NDRG3: variants seen among roughly 807,000 people sequenced by gnomAD.
The protein encoded by NDRG3 is NDRG family member 3.
A neutral mutation model predicts 57.2 loss-of-function variants in NDRG3; 23 were observed. The observed-to-expected ratio is 0.40, with a 90% CI of 0.29 to 0.57. NDRG3 has a LOEUF of 0.57. Ranked by LOEUF, NDRG3 falls within the 20% of genes least tolerant of loss-of-function variation. The pLI, the probability that NDRG3 is intolerant of heterozygous loss-of-function variation, is 0.42. For synonymous variants in NDRG3, 132 were observed against 162.6 expected, an observed-to-expected ratio of 0.81 and a Z score of 1.43; for missense variants, 384 against 457.3, an observed-to-expected ratio of 0.84 and a Z score of 1.46.
chr20:36,672,547 G>C (rs927940955), intron 8 of NDRG3, among the ~76,000 whole-genome samples: 1 of 152,196 alleles, frequency 6.6e-6, no homozygotes, highest in Non-Finnish European at 1.5e-5. Flanking sequence ...TAGAAAAGTA[G>C]GCTGGGCGTG....
intron 3 of NDRG3, among the ~76,000 whole-genome samples, chr20:36,701,938 C>CT (rs761073688): frequency 2.1e-4 from 31 of 150,778 alleles, no homozygotes; most frequent in Non-Finnish European, 3.7e-4. Flanking sequence ...CCAACTTTCA[C>CT]TTTTTTCTTG....
At chr20:36,690,002 G>A (rs1173642832) in intron 3 of NDRG3, among the ~76,000 whole-genome samples, 1 of 152,008 alleles carries the variant, frequency 6.6e-6, no homozygotes, top group Non-Finnish European at 1.5e-5. Flanking sequence ...TTACAGACGT[G>A]AGCCACCGCG....
At chr20:36,724,498 TCA>T (rs1984799914) in intron 1 of NDRG3, among the ~76,000 whole-genome samples, 1 of 152,216 alleles carries the variant, frequency 6.6e-6, no homozygotes, top group African/African-American at 2.4e-5. Flanking sequence ...ATTCTCTTTT[TCA>T]CAGTCCCCAC....
At chr20:36,671,524 C>T (rs1980160511) in intron 8 of NDRG3, 127 bp from the exon 9 acceptor site, 2 of 692,078 alleles carry the variant, frequency 2.9e-6, no homozygotes, top group Non-Finnish European at 4.9e-6. Flanking sequence ...AACCCTTGGC[C>T]AGGTGCGATG....
chr20:36,684,541 G>A, intron 5 of NDRG3, 66 bp from the exon 6 acceptor site: 4 of 1,407,854 alleles, frequency 2.8e-6, no homozygotes, highest in Middle Eastern at 1.8e-4. Context: ...TAGAACAGCT[G>A]GAAAGGTCCA....
At chr20:36,737,320 C>G (rs1379276040) in intron 1 of NDRG3, among the ~76,000 whole-genome samples, 1 of 152,116 alleles carries the variant, frequency 6.6e-6, no homozygotes, top group Non-Finnish European at 1.5e-5. Context: ...AAGCTACCAC[C>G]AGCAAAGCCC....
chr20:36,727,830 C>G (rs1278822946), intron 1 of NDRG3, among the ~76,000 whole-genome samples: 1 of 151,706 alleles, frequency 6.6e-6, no homozygotes, highest in Non-Finnish European at 1.5e-5. Flanking sequence ...CATGAGCCAC[C>G]GTGCCCGGCC....
chr20:36,714,616 G>T lies in NDRG3; in HGVS notation c.57+7063C>A, dbSNP rs575353611. On this transcript the variant is annotated intron_variant, in intron 2 of 15. Transcript: ENST00000349004. ...TGCCTGGCTAATTTTGTTTTTTTTT[G>T]TTTGTTTGTTTTTTTGAGACGGAGT... Among the ~76,000 whole-genome samples, 1,396 of 140,316 alleles carry T rather than the reference G, an allele frequency of 9.9e-3. 12 individuals carry two copies. Among genetic ancestry groups the T allele is most frequent in the African/African-American group, 0.025 (894 of 35,652 alleles). The allele number at this position is 140,316 out of a possible 152,430, so 92.1% of individuals were successfully genotyped here.
At chr20:36,695,532 G>GA (rs890656993) in intron 3 of NDRG3, among the ~76,000 whole-genome samples, 2 of 152,138 alleles carry the variant, frequency 1.3e-5, no homozygotes, top group Non-Finnish European at 2.9e-5. Flanking sequence ...GACGGAGGGG[G>GA]ATCTCTAAAA....
At chr20:36,690,984 C>T (rs995473287) in intron 3 of NDRG3, among the ~76,000 whole-genome samples, 2 of 152,240 alleles carry the variant, frequency 1.3e-5, no homozygotes, top group Non-Finnish European at 2.9e-5. Flanking sequence ...TTATTCTAGT[C>T]GTGCTCAAGT....
intron 1 of NDRG3, among the ~76,000 whole-genome samples, chr20:36,734,321 C>A (rs1985499238): frequency 6.6e-6 from 1 of 152,192 alleles, no homozygotes; most frequent in African/African-American, 2.4e-5. Context: ...TGCCCTAAAT[C>A]ACACTTTCTC....
intron 8 of NDRG3, among the ~76,000 whole-genome samples, chr20:36,675,908 C>T (rs1257037490): frequency 2.0e-5 from 3 of 152,020 alleles, no homozygotes; most frequent in East Asian, 3.9e-4. Flanking sequence ...AGAACATTTA[C>T]GGCAATGTAA....
intron 9 of NDRG3, among the ~76,000 whole-genome samples, chr20:36,669,850 A>C (rs1979992543): frequency 1.3e-5 from 2 of 150,212 alleles, no homozygotes; most frequent in African/African-American, 2.5e-5. Flanking sequence ...TGCTCACCTC[A>C]GCCTCCCAAA....
At chr20:36,715,006 G>GTGTATATATA (rs1984170473) in intron 2 of NDRG3, among the ~76,000 whole-genome samples, 1 of 26,710 alleles carries the variant, frequency 3.7e-5, no homozygotes, top group African/African-American at 1.3e-4. Flanking sequence ...GTGTGTGTGT[G>GTGTATATATA]TATATATATA....
intron 2 of NDRG3, among the ~76,000 whole-genome samples, chr20:36,708,092 G>GA (rs890917054): frequency 4.3e-4 from 60 of 140,798 alleles, no homozygotes; most frequent in South Asian, 8.9e-4. Context: ...TCAAAAAAAG[G>GA]AAAAAAAAAA....
At chr20:36,669,631 C>T (rs1979966442) in intron 9 of NDRG3, among the ~76,000 whole-genome samples, 1 of 152,176 alleles carries the variant, frequency 6.6e-6, no homozygotes, top group South Asian at 2.1e-4. Flanking sequence ...TCCTAAAGTG[C>T]TGGGATTACA....
At chr20:36,660,803 G>A (rs1202533971) in intron 12 of NDRG3, among the ~76,000 whole-genome samples, 3 of 151,972 alleles carry the variant, frequency 2.0e-5, no homozygotes, top group East Asian at 3.9e-4. Context: ...CTCGTGATCC[G>A]CCCACCTCGG....
At chr20:36,705,519 G>A (rs193150654) in intron 3 of NDRG3, among the ~76,000 whole-genome samples, 13 of 152,070 alleles carry the variant, frequency 8.5e-5, no homozygotes, top group Admixed American at 3.9e-4. Flanking sequence ...AACATAAAAC[G>A]CATATTTGAA....
chr20:36,714,801 C>T (rs1270538782), intron 2 of NDRG3, among the ~76,000 whole-genome samples: 3 of 150,956 alleles, frequency 2.0e-5, no homozygotes, highest in Admixed American at 1.3e-4. Flanking sequence ...TTAGTAGAGA[C>T]GGAGTTTCTC....
Sources: gnomAD v4.1 joint callset for allele counts (sites outside exome capture counted in the v4.1 genomes callset) on GRCh38, gnomAD v4.1.1 for gene constraint, MANE v1.5 for transcripts, NCBI Gene and HGNC (gene_info 2026-07-23, HGNC 2026-07-21) for gene names.